Variants in NBAS observed in about 807,000 individuals in gnomAD.
The protein encoded by NBAS is NBAS subunit of NRZ tethering complex.
A neutral mutation model predicts 302.5 loss-of-function variants in NBAS; 219 were observed. The observed-to-expected ratio is 0.72, with a 90% CI of 0.65 to 0.81. The LOEUF (loss-of-function observed/expected upper bound fraction) is 0.81, where lower values mean the gene tolerates loss of function less well. Ranked by LOEUF, NBAS falls within the 30% of genes least tolerant of loss-of-function variation. The probability of loss-of-function intolerance (pLI) is 0.00; values close to 1 mark genes in which losing one functional copy is unlikely to be tolerated. For synonymous variants in NBAS, 1,118 were observed against 1,021.6 expected (o/e 1.09, Z -1.80); for missense variants, 2,932 against 2,841.6 (o/e 1.03, Z -0.72).
At chr2:15,408,436 C>G (rs1404236635) in intron 25 of NBAS, among the ~76,000 whole-genome samples, 1 of 152,040 alleles carries the variant, frequency 6.6e-6, no homozygotes, top group Non-Finnish European at 1.5e-5. Flanking sequence ...CTCATATTTA[C>G]TGTTTCCTAA....
chr2:15,463,745 AAACC>A (rs1422717677), intron 19 of NBAS, among the ~76,000 whole-genome samples: 1 of 146,032 alleles, frequency 6.8e-6, no homozygotes, highest in Admixed American at 7.3e-5. Context: ...TTTAATTTCA[AAACC>A]TCAACACTGC....
chr2:15,136,850 C>T, the NBAS span, among the ~76,000 whole-genome samples: 1 of 152,180 alleles, frequency 6.6e-6, no homozygotes, highest in East Asian at 1.9e-4. Context: ...GCGGCAGTTC[C>T]TCCTTTACTC....
At chr2:15,128,968 G>C in the NBAS span, among the ~76,000 whole-genome samples, 1 of 152,206 alleles carries the variant, frequency 6.6e-6, no homozygotes, top group Non-Finnish European at 1.5e-5. Context: ...AGAGGGAAAG[G>C]GTCCAGGAAA....
rs59222907 is a variant in NBAS at position 15,533,679 on chromosome 2, CGTGTGTGTGTGTGT to C, written c.746+850_746+863del. ...CACAAGGAGGACTTCGGGGGGTGTG[CGTGTGTGTGTGTGT>C]GTGTGTGTGTGTGTGTGTGTGTGTG... On this transcript the variant is annotated intron_variant, in intron 9 of 51. Transcript: ENST00000281513. Among the ~76,000 whole-genome samples, 702 of 144,012 alleles carry C rather than the reference CGTGTGTGTGTGTGT, an allele frequency of 4.9e-3. 7 individuals carry two copies. Among genetic ancestry groups the C allele is most frequent in the South Asian group, 0.02 (85 of 4,344 alleles). 94.5% of individuals were successfully genotyped at this position (144,012 alleles called of 152,430 possible).
At chr2:15,368,726 G>A (rs533124837) in intron 31 of NBAS, among the ~76,000 whole-genome samples, 12 of 152,048 alleles carry the variant, frequency 7.9e-5, no homozygotes, top group Non-Finnish European at 1.8e-4. Flanking sequence ...ATGAGGCTTG[G>A]CCCTGTGACA....
chr2:15,070,966 C>T, the NBAS span, among the ~76,000 whole-genome samples: 6 of 152,118 alleles, frequency 3.9e-5, no homozygotes, highest in African/African-American at 1.4e-4. Context: ...GGTGGAGAAA[C>T]TGAGACCCAG....
the NBAS span, among the ~76,000 whole-genome samples, chr2:14,788,216 C>T: frequency 5.9e-5 from 9 of 152,174 alleles, no homozygotes; most frequent in Non-Finnish European, 8.8e-5. Flanking sequence ...TCTAGTTATA[C>T]ATTCGTCTAA....
At chr2:15,394,378 T>C (rs776726936) in intron 27 of NBAS, 29 bp from the exon 28 acceptor site, 4 of 1,609,806 alleles carry the variant, frequency 2.5e-6, no homozygotes, top group South Asian at 2.2e-5. Flanking sequence ...TTATTTAATG[T>C]CTTGCTACCA....
At chr2:15,002,234 G>C in the NBAS span, among the ~76,000 whole-genome samples, 56,497 of 151,806 alleles carry the variant, frequency 0.37, 11,251 homozygotes, top group Non-Finnish European at 0.41. Context: ...GAGCTAGATA[G>C]AGAGTGCCTG....
chr2:14,790,330 A>G, the NBAS span, among the ~76,000 whole-genome samples: 1 of 152,218 alleles, frequency 6.6e-6, no homozygotes, highest in South Asian at 2.1e-4. Context: ...AGATTCTATA[A>G]TCCTATCAAC....
At chr2:15,498,432 A>C (rs1681150948) in intron 11 of NBAS, among the ~76,000 whole-genome samples, 1 of 152,248 alleles carries the variant, frequency 6.6e-6, no homozygotes, top group Non-Finnish European at 1.5e-5. Flanking sequence ...TATTCAAAAA[A>C]TAACATGCTG....
the NBAS span, among the ~76,000 whole-genome samples, chr2:15,114,104 T>G: frequency 1.8e-4 from 28 of 152,174 alleles, no homozygotes; most frequent in African/African-American, 6.8e-4. Flanking sequence ...AAATTCAATA[T>G]GACAAATAAT....
At chr2:15,186,904 A>G in intron 49 of NBAS, 24 bp from the exon 50 acceptor site, 1 of 1,613,846 alleles carries the variant, frequency 6.2e-7, no homozygotes, top group Non-Finnish European at 8.5e-7. Context: ...AGAAAAATAC[A>G]AGGCACTGGA....
At chr2:15,167,648 T>C (rs923825359) in intron 51 of NBAS, among the ~76,000 whole-genome samples, 1 of 152,154 alleles carries the variant, frequency 6.6e-6, no homozygotes, top group Non-Finnish European at 1.5e-5. Context: ...CACTTTTACC[T>C]CCCAATTGAC....
the NBAS span, among the ~76,000 whole-genome samples, chr2:14,779,899 G>A: frequency 6.6e-6 from 1 of 152,286 alleles, no homozygotes; most frequent in South Asian, 2.1e-4. Context: ...GTATCGTGAA[G>A]TTTTCTTGTT....
chr2:15,258,700 T>C (rs1003328462), intron 44 of NBAS, among the ~76,000 whole-genome samples: 2 of 152,188 alleles, frequency 1.3e-5, no homozygotes, highest in Admixed American at 1.3e-4. Context: ...TTCTGTTGTT[T>C]AAGATGTTTA....
chr2:15,443,103 A>G (rs570809034), intron 21 of NBAS, among the ~76,000 whole-genome samples: 1 of 152,278 alleles, frequency 6.6e-6, no homozygotes, highest in South Asian at 2.1e-4. Context: ...ATTCCTTCTG[A>G]AACTATTCCA....
chr2:14,872,320 G>GT, the NBAS span, among the ~76,000 whole-genome samples: 2 of 152,050 alleles, frequency 1.3e-5, no homozygotes, highest in Non-Finnish European at 2.9e-5. Flanking sequence ...AAATTAGCAG[G>GT]TATCTAGAAG....
chr2:14,968,359 G>T, the NBAS span, among the ~76,000 whole-genome samples: 1 of 152,116 alleles, frequency 6.6e-6, no homozygotes, highest in Non-Finnish European at 1.5e-5. Context: ...ATAAGGGTAT[G>T]AAGAGATGCT....
Sources: allele counts gnomAD v4.1 joint callset (sites outside exome capture counted in the v4.1 genomes callset), GRCh38; gene constraint gnomAD v4.1.1; transcripts MANE v1.5; gene names NCBI Gene and HGNC (gene_info 2026-07-23, HGNC 2026-07-21).